SAMD4A: variants seen among roughly 807,000 people sequenced by gnomAD.
SAMD4A encodes the protein sterile alpha motif domain containing 4A.
A neutral mutation model predicts 81.3 loss-of-function variants in SAMD4A; 33 were observed. That is an observed-to-expected ratio of 0.41 (90% CI 0.31 to 0.54). The LOEUF (loss-of-function observed/expected upper bound fraction) is 0.54. Ranked by LOEUF, SAMD4A falls within the 20% of genes least tolerant of loss-of-function variation. SAMD4A has a pLI of 0.37. For synonymous variants in SAMD4A, 389 were observed against 382.1 expected, an observed-to-expected ratio of 1.02 and a Z score of -0.21; for missense variants, 854 against 951.1, an observed-to-expected ratio of 0.90 and a Z score of 1.34.
intron 2 of SAMD4A, among the ~76,000 whole-genome samples, chr14:54,573,150 T>C (rs2033182454): frequency 1.3e-5 from 2 of 152,212 alleles, no homozygotes; most frequent in Non-Finnish European, 2.9e-5. Context: ...TTTGGGTCAG[T>C]CTGGGATGAC....
intron 2 of SAMD4A, among the ~76,000 whole-genome samples, chr14:54,628,271 T>A (rs1412466132): frequency 6.6e-6 from 1 of 152,094 alleles, no homozygotes; most frequent in Non-Finnish European, 1.5e-5. Context: ...TGTCCCTTCC[T>A]GGGGCTGCAT....
intron 2 of SAMD4A, among the ~76,000 whole-genome samples, chr14:54,594,132 T>C (rs754549204): frequency 6.6e-6 from 1 of 152,158 alleles, no homozygotes; most frequent in South Asian, 2.1e-4. Flanking sequence ...GTAGATAACA[T>C]AGAAAGTAAA....
At chr14:54,722,336 C>G (rs1019902267) in intron 3 of SAMD4A, among the ~76,000 whole-genome samples, 1 of 152,130 alleles carries the variant, frequency 6.6e-6, no homozygotes, top group Admixed American at 6.6e-5. Flanking sequence ...TGGAACAACC[C>G]CACTGGCATA....
chr14:54,718,987 A>G (rs927773849), intron 3 of SAMD4A, among the ~76,000 whole-genome samples: 3 of 150,408 alleles, frequency 2.0e-5, no homozygotes, highest in Non-Finnish European at 4.4e-5. Flanking sequence ...TGGGTGACAG[A>G]GCGAAACTCC....
intron 3 of SAMD4A, among the ~76,000 whole-genome samples, chr14:54,722,265 A>G (rs1394940377): frequency 6.6e-6 from 1 of 152,196 alleles, no homozygotes; most frequent in South Asian, 2.1e-4. Context: ...AAGGATAGGT[A>G]TTCAGAGTGC....
chr14:54,751,344 C>T, intron 5 of SAMD4A, 107 bp from the exon 6 acceptor site: 1 of 698,580 alleles, frequency 1.4e-6, no homozygotes. Context: ...AGCCCGTGAA[C>T]ATATAGGAGC....
At chr14:54,773,034 G>T (rs2038747116) in intron 9 of SAMD4A, among the ~76,000 whole-genome samples, 1 of 152,190 alleles carries the variant, frequency 6.6e-6, no homozygotes, top group African/African-American at 2.4e-5. Context: ...CCAAGACAAA[G>T]ATACCAAGAA....
chr14:54,643,696 T>G (rs1239138194), intron 2 of SAMD4A, among the ~76,000 whole-genome samples: 1 of 152,230 alleles, frequency 6.6e-6, no homozygotes, highest in Non-Finnish European at 1.5e-5. Flanking sequence ...ATTCTAGGTA[T>G]GTTTAAATTG....
At position 54,791,433 on chromosome 14, in the gene SAMD4A, A is replaced by G. The variant is rs565160157; in HGVS notation, c.*2489A>G. The G allele has an allele frequency of 9.2e-5, 14 of 152,356 alleles. No homozygotes were observed. Among genetic ancestry groups the G allele is most frequent in the African/African-American group, 3.4e-4 (14 of 41,588 alleles). 9.4% of individuals were successfully genotyped at this position (152,356 alleles called of 1,614,324 possible). ...GGAAGAAGACCTTAAAGTATCTGCA[A>G]ATCTGAATTTCTATTTATTCCTTCA... On this transcript the variant is annotated 3_prime_UTR_variant, in exon 13 of 13. Transcript: ENST00000554335.
intron 3 of SAMD4A, among the ~76,000 whole-genome samples, chr14:54,719,049 G>T (rs10132267): frequency 0.56 from 85,631 of 151,766 alleles, 27,315 homozygotes; most frequent in Non-Finnish European, 0.68. Flanking sequence ...GGAAAGAAGG[G>T]TTCAAAGGAA....
chr14:54,678,430 CATTTGT>C (rs2036039186), intron 2 of SAMD4A, among the ~76,000 whole-genome samples: 4 of 79,056 alleles, frequency 5.1e-5, no homozygotes, highest in African/African-American at 2.2e-4. Flanking sequence ...GGGCAGTCAC[CATTTGT>C]GTGTGTGTGT....
At chr14:54,703,763 G>T (rs2036780627) in intron 3 of SAMD4A, 1 of 152,162 alleles carries the variant, frequency 6.6e-6, no homozygotes, top group African/African-American at 2.4e-5. Flanking sequence ...CAGCTACTCG[G>T]GAGGCTGAGG....
intron 2 of SAMD4A, among the ~76,000 whole-genome samples, chr14:54,686,164 C>G (rs953287330): frequency 4.6e-5 from 7 of 152,124 alleles, no homozygotes; most frequent in Admixed American, 1.3e-4. Context: ...TGTCTCCATG[C>G]AGGTTATTCT....
chr14:54,636,396 C>T (rs554806671), intron 2 of SAMD4A, among the ~76,000 whole-genome samples: 363 of 152,218 alleles, frequency 2.4e-3, no homozygotes, highest in Non-Finnish European at 4.8e-3. Context: ...GCCTTGTAGG[C>T]TAAGTGTAAG....
In SAMD4A at chr14:54,588,059, C is replaced by T. The variant is rs1037793690; in HGVS notation, c.196+19947C>T. On this transcript the variant is annotated intron_variant, in intron 2 of 12. Transcript: ENST00000554335. ...ATTTTTAAAATTACCATTTCAATCTCGCTGCTTGTTATTGGTCTGTTCAGA... is the reference window on the plus strand; with the variant it reads ...ATTTTTAAAATTACCATTTCAATCTTGCTGCTTGTTATTGGTCTGTTCAGA... Among the ~76,000 whole-genome samples the T allele has an allele frequency of 7.9e-5, 12 of 152,044 alleles. No homozygotes were observed. In the East Asian group the frequency reaches 9.6e-4, roughly 12 times the overall value.
intron 9 of SAMD4A, among the ~76,000 whole-genome samples, chr14:54,772,473 C>T (rs1369312810): frequency 6.6e-6 from 1 of 152,068 alleles, no homozygotes; most frequent in Non-Finnish European, 1.5e-5. Context: ...CCAAATTCTC[C>T]CCTCATCACG....
At chr14:54,659,234 TG>T (rs2035587327) in intron 2 of SAMD4A, among the ~76,000 whole-genome samples, 1 of 152,230 alleles carries the variant, frequency 6.6e-6, no homozygotes, top group Admixed American at 6.5e-5. Context: ...CCAGCTATCC[TG>T]GGTCTTGCTC....
chr14:54,689,072 A>T (rs1312999213), intron 2 of SAMD4A, among the ~76,000 whole-genome samples: 1 of 151,634 alleles, frequency 6.6e-6, no homozygotes, highest in Non-Finnish European at 1.5e-5. Flanking sequence ...GCTGGGATTA[A>T]AGGCGCCCGC....
intron 2 of SAMD4A, among the ~76,000 whole-genome samples, chr14:54,646,488 C>T (rs1336043349): frequency 6.6e-6 from 1 of 152,264 alleles, no homozygotes; most frequent in Non-Finnish European, 1.5e-5. Flanking sequence ...CCACGTGATA[C>T]TGCTGCCATT....
Sources: gnomAD v4.1 joint callset for allele counts (sites outside exome capture counted in the v4.1 genomes callset) on GRCh38, gnomAD v4.1.1 for gene constraint, MANE v1.5 for transcripts, NCBI Gene and HGNC (gene_info 2026-07-23, HGNC 2026-07-21) for gene names.